The following MBD5 variants were observed in gnomAD, a reference collection of about 807,000 sequenced individuals.
MBD5 encodes methyl-CpG binding domain protein 5.
In MBD5, 13 loss-of-function variants were observed where a neutral mutation model predicts 117.3. The ratio of observed to expected loss-of-function variants is 0.11; its 90% CI spans 0.07 to 0.18. The LOEUF (loss-of-function observed/expected upper bound fraction) is 0.18, where lower values mean the gene tolerates loss of function less well. Among genes scored for constraint, MBD5 ranks in the 10% least tolerant of loss-of-function variants. MBD5 has a pLI of 1.00. For synonymous variants in MBD5, 727 were observed against 766.4 expected (o/e 0.95, Z 0.85); for missense variants, 1,879 against 2,093.8 (o/e 0.90, Z 2.00).
chr2:148,123,375 G>C (rs1237902260), intron 1 of MBD5, among the ~76,000 whole-genome samples: 1 of 152,164 alleles, frequency 6.6e-6, no homozygotes, highest in Non-Finnish European at 1.5e-5. Context: ...TTGAAAGATG[G>C]GGAAATGTTA....
At chr2:148,341,230 T>C (rs954227983) in intron 3 of MBD5, among the ~76,000 whole-genome samples, 3 of 152,020 alleles carry the variant, frequency 2.0e-5, no homozygotes, top group Admixed American at 6.6e-5. Context: ...CCACAATCCA[T>C]ATAGGTGTGT....
chr2:148,405,809 C>T (rs78355925), intron 4 of MBD5, among the ~76,000 whole-genome samples: 7,384 of 152,146 alleles, frequency 0.049, 544 homozygotes, highest in African/African-American at 0.17. Context: ...TCAAGACCTT[C>T]TTTGTCTTCC....
chr2:148,403,273 AG>A (rs1178828235), intron 4 of MBD5, among the ~76,000 whole-genome samples: 1 of 151,722 alleles, frequency 6.6e-6, no homozygotes, highest in Non-Finnish European at 1.5e-5. Flanking sequence ...TCCACCCCCC[AG>A]GTTCAAGCGA....
chr2:148,036,385 T>C (rs1211624026), intron 1 of MBD5, among the ~76,000 whole-genome samples: 1 of 152,162 alleles, frequency 6.6e-6, no homozygotes, highest in Non-Finnish European at 1.5e-5. Flanking sequence ...AAACCATTAG[T>C]TGGCAAAGTA....
chr2:148,098,607 T>C (rs1464232440), intron 1 of MBD5, among the ~76,000 whole-genome samples: 1 of 152,066 alleles, frequency 6.6e-6, no homozygotes, highest in Admixed American at 6.6e-5. Flanking sequence ...CTGGTGAGCT[T>C]TTCATAAATA....
At chr2:148,211,010 G>A (rs1224156960) in intron 2 of MBD5, among the ~76,000 whole-genome samples, 1 of 152,124 alleles carries the variant, frequency 6.6e-6, no homozygotes, top group Admixed American at 6.5e-5. Flanking sequence ...CTAACTAGCT[G>A]TAATCTGCCA....
intron 1 of MBD5, among the ~76,000 whole-genome samples, chr2:148,095,466 A>T (rs187242071): frequency 4.2e-4 from 64 of 152,264 alleles, no homozygotes; most frequent in Admixed American, 2.0e-4. Context: ...TGCAATCTGT[A>T]TGTAAGTAAA....
intron 4 of MBD5, among the ~76,000 whole-genome samples, chr2:148,349,613 T>C (rs1043050336): frequency 6.6e-6 from 1 of 151,936 alleles, no homozygotes; most frequent in Admixed American, 6.6e-5. Flanking sequence ...TTCTGGTAAA[T>C]AAAAATACAT....
chr2:148,209,224 A>T (rs953291014), intron 2 of MBD5, among the ~76,000 whole-genome samples: 1 of 152,160 alleles, frequency 6.6e-6, no homozygotes, highest in Admixed American at 6.5e-5. Flanking sequence ...TGTATTACTT[A>T]GTACTCTAGT....
intron 1 of MBD5, among the ~76,000 whole-genome samples, chr2:148,098,617 A>G (rs940391738): frequency 3.3e-5 from 5 of 152,156 alleles, no homozygotes; most frequent in African/African-American, 1.2e-4. Flanking sequence ...TTTCATAAAT[A>G]TCATACCTAG....
At chr2:148,341,551 T>G (rs563516530) in intron 3 of MBD5, among the ~76,000 whole-genome samples, 2 of 152,088 alleles carry the variant, frequency 1.3e-5, no homozygotes, top group Non-Finnish European at 2.9e-5. Context: ...TACATTTAGT[T>G]GAGTTGTTGG....
intron 1 of MBD5, among the ~76,000 whole-genome samples, chr2:148,085,112 A>G (rs763473865): frequency 6.6e-6 from 1 of 152,166 alleles, no homozygotes; most frequent in Non-Finnish European, 1.5e-5. Context: ...GGTTATGCCC[A>G]CTGAAACAAG....
At position 148,515,244 on chromosome 2, in the gene MBD5, G is replaced by A. The variant is rs948609258; in HGVS notation, c.*2303G>A. 2 of 152,152 alleles carry A rather than the reference G, an allele frequency of 1.3e-5. No homozygotes were observed. The highest frequency in any genetic ancestry group is 1.3e-4 in the Admixed American group (2 of 15,274). 9.4% of individuals were successfully genotyped at this position (152,152 alleles called of 1,614,324 possible). On this transcript the variant is annotated 3_prime_UTR_variant, in exon 14 of 14. Coordinates refer to ENST00000642680, the MANE Select transcript of MBD5 (RefSeq NM_001378120.1). The stretch of plus-strand genomic sequence containing the variant: ...GCTTTTCTGTCTTCAGGCTGAGTTT[G>A]TGTTGACCAAGCCTTCTTTTTGGTA...
chr2:148,196,549 T>C (rs1698993824), intron 2 of MBD5, among the ~76,000 whole-genome samples: 1 of 152,192 alleles, frequency 6.6e-6, no homozygotes, highest in Non-Finnish European at 1.5e-5. Flanking sequence ...CCAAAATAGG[T>C]ACATCTCCAT....
At chr2:148,086,751 T>G (rs1385379681) in intron 1 of MBD5, among the ~76,000 whole-genome samples, 3 of 152,182 alleles carry the variant, frequency 2.0e-5, no homozygotes, top group Non-Finnish European at 4.4e-5. Context: ...CTTTTCTTCT[T>G]TAGATCTTAG....
rs1452201837 is a variant in MBD5 at position 148,473,474 on chromosome 2, C to T, written c.2518+3013C>T. ...CTGTGGTTACAGAGCTTAGATACAA[C>T]TCAGGTGACCTCTTGCTCAATCCAG... On this transcript the variant is annotated intron_variant, in intron 8 of 13. Coordinates refer to ENST00000642680, the MANE Select transcript of MBD5 (RefSeq NM_001378120.1). 2.0e-5 allele frequency among the ~76,000 whole-genome samples: 3 copies of T among 152,088 alleles called. No homozygotes were observed. The East Asian group carries it at 5.8e-4, about 29-fold the overall frequency.
At chr2:148,354,798 A>C (rs1446588540) in intron 4 of MBD5, among the ~76,000 whole-genome samples, 2 of 152,132 alleles carry the variant, frequency 1.3e-5, no homozygotes, top group African/African-American at 2.4e-5. Context: ...GTTTTTAATA[A>C]TTGCCATTCT....
chr2:148,072,667 A>G (rs1695395270), intron 1 of MBD5, among the ~76,000 whole-genome samples: 1 of 152,168 alleles, frequency 6.6e-6, no homozygotes. Flanking sequence ...ATAAAGTGAC[A>G]CTTGATTGCC....
chr2:148,078,631 G>A (rs748719689), intron 1 of MBD5, among the ~76,000 whole-genome samples: 21 of 152,248 alleles, frequency 1.4e-4, no homozygotes, highest in African/African-American at 3.9e-4. Flanking sequence ...TAACAAGGTC[G>A]TATGACTGAC....
Sources: gnomAD v4.1 joint callset for allele counts (sites outside exome capture counted in the v4.1 genomes callset) on GRCh38, gnomAD v4.1.1 for gene constraint, MANE v1.5 for transcripts, NCBI Gene and HGNC (gene_info 2026-07-23, HGNC 2026-07-21) for gene names.